Variants in PPARGC1A observed in about 807,000 individuals in gnomAD.
PPARGC1A encodes peroxisome proliferator-activated receptor gamma coactivator 1-alpha.
Under a neutral mutation model 88.7 loss-of-function variants are expected in PPARGC1A, and 25 were observed. The observed-to-expected ratio is 0.28, with a 90% CI of 0.21 to 0.39. The LOEUF is 0.39. Among genes scored for constraint, PPARGC1A ranks in the 10% least tolerant of loss-of-function variants. PPARGC1A has a pLI of 1.00. For missense variants in PPARGC1A, 880 were observed against 968.7 expected (o/e 0.91, Z 1.22); for synonymous variants, 363 against 355.6 (o/e 1.02, Z -0.24).
the PPARGC1A span, among the ~76,000 whole-genome samples, chr4:24,297,001 G>C: frequency 2.0e-5 from 3 of 152,118 alleles, no homozygotes; most frequent in Admixed American, 2.0e-4. Context: ...TCAGGTAATG[G>C]AGAGGAAGAA....
the PPARGC1A span, among the ~76,000 whole-genome samples, chr4:24,415,018 C>A: frequency 1.3e-5 from 2 of 151,970 alleles, no homozygotes; most frequent in African/African-American, 2.4e-5. Flanking sequence ...GGTGAAACCC[C>A]GTCTCTACTA....
the PPARGC1A span, among the ~76,000 whole-genome samples, chr4:24,139,995 C>T: frequency 4.4e-3 from 666 of 152,300 alleles, 1 homozygote; most frequent in South Asian, 0.013. Context: ...TTGCTCCTTC[C>T]CTGTGACAAA....
chr4:23,940,322 C>T, the PPARGC1A span, among the ~76,000 whole-genome samples: 1 of 152,126 alleles, frequency 6.6e-6, no homozygotes, highest in Non-Finnish European at 1.5e-5. Context: ...GAAGACGCTA[C>T]ATGGAACGCA....
chr4:23,896,464 G>T (rs1489358957), intron 1 of PPARGC1A, among the ~76,000 whole-genome samples: 3 of 152,048 alleles, frequency 2.0e-5, no homozygotes, highest in Non-Finnish European at 4.4e-5. Flanking sequence ...GTCATACCAA[G>T]TCCAACAGCT....
chr4:24,285,370 A>C, the PPARGC1A span, among the ~76,000 whole-genome samples: 2 of 152,144 alleles, frequency 1.3e-5, no homozygotes, highest in Non-Finnish European at 2.9e-5. Context: ...GGTGAGATAC[A>C]CAAGCACATG....
At chr4:24,190,544 T>C in the PPARGC1A span, among the ~76,000 whole-genome samples, 1 of 151,914 alleles carries the variant, frequency 6.6e-6, no homozygotes, top group African/African-American at 2.4e-5. Context: ...TAAAATAATA[T>C]ATAATAATTA....
At chr4:24,438,706 T>C in the PPARGC1A span, among the ~76,000 whole-genome samples, 1 of 152,164 alleles carries the variant, frequency 6.6e-6, no homozygotes, top group Non-Finnish European at 1.5e-5. Context: ...AATGACAAAT[T>C]ACAGAATGCC....
chr4:24,141,358 C>A, the PPARGC1A span, among the ~76,000 whole-genome samples: 1 of 152,204 alleles, frequency 6.6e-6, no homozygotes. Context: ...ACAGTGGACA[C>A]AGGTGGAGGT....
the PPARGC1A span, among the ~76,000 whole-genome samples, chr4:24,210,069 T>A: frequency 3.9e-5 from 6 of 152,300 alleles, no homozygotes; most frequent in East Asian, 1.2e-3. Flanking sequence ...TAGCACATAG[T>A]AATTGCTCAA....
chr4:23,891,641 T>C (rs1305316725), upstream of PPARGC1A, among the ~76,000 whole-genome samples: 1 of 152,198 alleles, frequency 6.6e-6, no homozygotes, highest in Admixed American at 6.5e-5. Flanking sequence ...TCCCAAATAA[T>C]GTAAGGAAGT....
At chr4:23,839,651 C>T (rs1317518011) in intron 2 of PPARGC1A, among the ~76,000 whole-genome samples, 4 of 152,204 alleles carry the variant, frequency 2.6e-5, no homozygotes, top group Admixed American at 2.0e-4. Context: ...TCTGTTTTCA[C>T]GCTGCTGATA....
At chr4:23,827,321 T>C (rs755349074) in intron 5 of PPARGC1A, among the ~76,000 whole-genome samples, 1 of 151,916 alleles carries the variant, frequency 6.6e-6, no homozygotes, top group Non-Finnish European at 1.5e-5. Flanking sequence ...AAAAAGCGTA[T>C]TGAATCAGCA....
the PPARGC1A span, among the ~76,000 whole-genome samples, chr4:24,031,447 G>A: frequency 3.9e-5 from 6 of 152,138 alleles, no homozygotes; most frequent in Non-Finnish European, 2.9e-5. Context: ...AAATTTATAT[G>A]TGGTCCCTTC....
the PPARGC1A span, among the ~76,000 whole-genome samples, chr4:24,225,748 G>T: frequency 4.6e-5 from 7 of 152,052 alleles, no homozygotes; most frequent in Admixed American, 4.6e-4. Context: ...AAGGCTATGG[G>T]AGGAATAGGT....
At chr4:24,180,574 T>C in the PPARGC1A span, among the ~76,000 whole-genome samples, 1 of 152,152 alleles carries the variant, frequency 6.6e-6, no homozygotes, top group Non-Finnish European at 1.5e-5. Flanking sequence ...TCACTTACTT[T>C]AGCAACACCC....
chr4:24,458,617 G>C, the PPARGC1A span, among the ~76,000 whole-genome samples: 233 of 152,292 alleles, frequency 1.5e-3, no homozygotes, highest in South Asian at 0.025. Flanking sequence ...TCTTTTCAGA[G>C]AGGCAATTAC....
chr4:24,055,477 G>T, the PPARGC1A span, among the ~76,000 whole-genome samples: 4 of 152,078 alleles, frequency 2.6e-5, no homozygotes, highest in African/African-American at 4.8e-5. Context: ...GATGTTTATC[G>T]AACAACTATA....
the PPARGC1A span, among the ~76,000 whole-genome samples, chr4:23,926,654 C>T: frequency 5.3e-5 from 8 of 152,302 alleles, no homozygotes; most frequent in African/African-American, 1.7e-4. Context: ...GCTTTTGCTC[C>T]AGCTCTACCT....
the PPARGC1A span, among the ~76,000 whole-genome samples, chr4:24,451,577 G>A: frequency 1.3e-5 from 2 of 152,078 alleles, no homozygotes; most frequent in African/African-American, 4.8e-5. Context: ...TTTTGTTGTT[G>A]TTGTTGTTGT....
Sources: allele counts gnomAD v4.1 joint callset (sites outside exome capture counted in the v4.1 genomes callset), GRCh38; gene constraint gnomAD v4.1.1; transcripts MANE v1.5; gene names NCBI Gene and HGNC (gene_info 2026-07-23, HGNC 2026-07-21).